Variants in CHD1L observed in about 807,000 individuals in gnomAD.
CHD1L encodes ATP-dependent chromatin remodeler CHD1L.
CHD1L carries 118 observed loss-of-function variants against 115.9 expected under a neutral mutation model. The ratio of observed to expected loss-of-function variants is 1.02; its 90% confidence interval spans 0.88 to 1.19. The LOEUF is 1.19. CHD1L is among the 50% of genes most tolerant of loss of function. The pLI is 0.00. For synonymous variants in CHD1L, 411 were observed against 387.1 expected, an observed-to-expected ratio of 1.06 and a Z score of -0.72; for missense variants, 1,179 against 1,065.3, an observed-to-expected ratio of 1.11 and a Z score of -1.49.
chr1:147,183,125 G>A, the CHD1L span, among the ~76,000 whole-genome samples: 5,604 of 152,224 alleles, frequency 0.037, 147 homozygotes, highest in South Asian at 0.095. Flanking sequence ...GTGAAGCCGG[G>A]AAGCAGAGCT....
intron 12 of CHD1L, among the ~76,000 whole-genome samples, chr1:147,273,161 C>T (rs1413142280): frequency 6.6e-6 from 1 of 152,198 alleles, no homozygotes; most frequent in African/African-American, 2.4e-5. Flanking sequence ...CAAGATTGCA[C>T]CACTACATTC....
chr1:147,242,296 T>TCA (rs1664985632), upstream of CHD1L, among the ~76,000 whole-genome samples: 1 of 152,170 alleles, frequency 6.6e-6, no homozygotes, highest in African/African-American at 2.4e-5. Flanking sequence ...TTATCGTGAA[T>TCA]CACTGGAGGG....
the CHD1L span, among the ~76,000 whole-genome samples, chr1:147,217,842 TA>T: frequency 3.3e-5 from 5 of 152,170 alleles, no homozygotes; most frequent in Non-Finnish European, 5.9e-5. Context: ...AAGACCTCCA[TA>T]ATGTTTTGTA....
rs587597741 is a variant in CHD1L at position 147,287,710 on chromosome 1, A to G, written c.2297A>G (p.Tyr766Cys). The stretch of plus-strand genomic sequence containing the variant: ...CGATCCGCTGAGCCAAGAAAAATAT[A>G]TGAGCTGGCTGGGAAAATGAAAGGT... ...EKRSAEPRKI[Y>C]ELAGKMKDLS... The change falls in exon 19 of 23, where the codon TAT becomes TGT. Residue 766 changes from tyrosine to cysteine, a missense_variant. Physicochemically the swap from Tyr to Cys is radical, Grantham distance 194 (BLOSUM62 -2). Transcript: ENST00000369258. 5.0e-6 allele frequency: 8 copies of G among 1,614,056 alleles called. No individual in the cohort carries two copies. Among genetic ancestry groups the G allele is most frequent in the Admixed American group, 3.3e-5 (2 of 60,010 alleles).
At chr1:147,202,375 A>G in the CHD1L span, among the ~76,000 whole-genome samples, 1 of 118,752 alleles carries the variant, frequency 8.4e-6, no homozygotes, top group Non-Finnish European at 1.6e-5. Context: ...GCTGGAGTGC[A>G]GTGGCATGAT....
the CHD1L span, among the ~76,000 whole-genome samples, chr1:147,236,474 A>G: frequency 2.6e-5 from 4 of 152,246 alleles, no homozygotes; most frequent in Non-Finnish European, 5.9e-5. Context: ...AGCAAGGTGA[A>G]GAGAAACTTT....
chr1:147,267,692 C>T (rs1395330070), intron 9 of CHD1L, among the ~76,000 whole-genome samples, 174 bp downstream of exon 9: 2 of 152,092 alleles, frequency 1.3e-5, no homozygotes, highest in African/African-American at 2.4e-5. Context: ...TCAGTTGTCC[C>T]GGTAATATCC....
the CHD1L span, among the ~76,000 whole-genome samples, chr1:147,191,123 G>T: frequency 9.2e-5 from 14 of 152,116 alleles, no homozygotes; most frequent in Non-Finnish European, 1.5e-4. Context: ...TTGCTATTGT[G>T]AATAGTGCCG....
chr1:147,247,979 T>C (rs995830848), intron 1 of CHD1L, among the ~76,000 whole-genome samples: 1 of 152,200 alleles, frequency 6.6e-6, no homozygotes, highest in Non-Finnish European at 1.5e-5. Flanking sequence ...TAATTCAGGG[T>C]ACTCTTCCAT....
At chr1:147,226,669 T>C in the CHD1L span, among the ~76,000 whole-genome samples, 2 of 152,282 alleles carry the variant, frequency 1.3e-5, no homozygotes, top group African/African-American at 4.8e-5. Context: ...ATCCTTGCTC[T>C]CCTTCTACCA....
the CHD1L span, chr1:147,186,654 T>C: frequency 1.6e-6 from 2 of 1,253,664 alleles, no homozygotes; most frequent in Non-Finnish European, 2.0e-6. Flanking sequence ...ACTAAAAGAG[T>C]ACCTGAGCTC....
At chr1:147,185,396 A>G in the CHD1L span, among the ~76,000 whole-genome samples, 4 of 152,292 alleles carry the variant, frequency 2.6e-5, no homozygotes, top group Non-Finnish European at 5.9e-5. Flanking sequence ...TGCTTTTGAT[A>G]TGCAGATTTA....
At chr1:147,270,179 T>TAAATA (rs1361597984) in intron 10 of CHD1L, among the ~76,000 whole-genome samples, 1 of 152,196 alleles carries the variant, frequency 6.6e-6, no homozygotes, top group East Asian at 1.9e-4. Context: ...AAGCTCAGAT[T>TAAATA]AAATAAGTTT....
intron 20 of CHD1L, among the ~76,000 whole-genome samples, chr1:147,293,310 CTT>C (rs35381917): frequency 0.18 from 26,936 of 149,978 alleles, 3,047 homozygotes; most frequent in Middle Eastern, 0.26. Flanking sequence ...GAAAAATTCT[CTT>C]TTTTTTTTTA....
chr1:147,183,873 T>C, the CHD1L span, among the ~76,000 whole-genome samples: 2 of 152,216 alleles, frequency 1.3e-5, no homozygotes, highest in African/African-American at 2.4e-5. Flanking sequence ...TAATCTTATT[T>C]ATGAATGTAC....
At chr1:147,225,334 A>C in the CHD1L span, 8 of 374,690 alleles carry the variant, frequency 2.1e-5, no homozygotes, top group African/African-American at 1.4e-4. Flanking sequence ...GATCTGGAGG[A>C]GACTCAACAG....
At chr1:147,262,818 GC>G (rs201003881) in intron 6 of CHD1L, among the ~76,000 whole-genome samples, 47 of 149,306 alleles carry the variant, frequency 3.1e-4, no homozygotes, top group Non-Finnish European at 6.2e-4. Flanking sequence ...TCTTCCTATG[GC>G]CCCCCCTCCA....
At chr1:147,280,265 T>C in intron 15 of CHD1L, 74 bp downstream of exon 15, 1 of 1,444,398 alleles carries the variant, frequency 6.9e-7, no homozygotes, top group Non-Finnish European at 9.2e-7. Flanking sequence ...TGGAAAGTTT[T>C]GGATGCTGCT....
chr1:147,280,167 G>T lies in CHD1L; in HGVS notation c.1681G>T (p.Gly561Trp), dbSNP rs781948152. The change falls in exon 15 of 23, where the codon GGG becomes TGG. Residue 561 changes from glycine (G) to tryptophan (W), a missense_variant. Transcript: ENST00000369258. The stretch of plus-strand genomic sequence containing the variant: ...TGATGCCTTGCCTGCAGCAGAAGGA[G>T]GGAGCAGAGATCAAGAGGAAGGAAG... ...VSDALPAAEG[G>W]SRDQEEGKNH... 6.2e-7 allele frequency: 1 copy of T among 1,608,772 alleles called. No individual in the cohort carries two copies. Among genetic ancestry groups the T allele is most frequent in the South Asian group, 1.1e-5 (1 of 90,188 alleles).
Sources: gnomAD v4.1 joint callset for allele counts (sites outside exome capture counted in the v4.1 genomes callset) on GRCh38, gnomAD v4.1.1 for gene constraint, MANE v1.5 for transcripts, NCBI Gene and HGNC (gene_info 2026-07-23, HGNC 2026-07-21) for gene names.